The following COL24A1 variants were observed in gnomAD, a reference collection of about 807,000 sequenced individuals.
COL24A1 encodes collagen alpha-1(XXIV) chain.
Under a neutral mutation model 253.9 loss-of-function variants are expected in COL24A1, and 224 were observed. The observed-to-expected ratio is 0.88, with a 90% CI of 0.79 to 0.99. COL24A1 has a LOEUF of 0.99. Among genes scored for constraint, COL24A1 ranks in the 50% least tolerant of loss-of-function variants. The probability of loss-of-function intolerance (pLI) is 0.00; values close to 1 mark genes in which losing one functional copy is unlikely to be tolerated. For missense variants in COL24A1, 2,131 were observed against 2,068.5 expected (o/e 1.03, Z -0.59); for synonymous variants, 685 against 673.7 (o/e 1.02, Z -0.26).
At chr1:85,860,413 T>C (rs1038935319) in intron 37 of COL24A1, among the ~76,000 whole-genome samples, 2 of 152,186 alleles carry the variant, frequency 1.3e-5, no homozygotes, top group African/African-American at 2.4e-5. Flanking sequence ...TTTCTGTATG[T>C]ATAGATTTGC....
intron 20 of COL24A1, among the ~76,000 whole-genome samples, chr1:85,985,348 G>T (rs35556419): frequency 0.26 from 39,252 of 151,494 alleles, 5,476 homozygotes; most frequent in Admixed American, 0.36. Context: ...TAGTTTGGCT[G>T]AAGTGATGCT....
intron 51 of COL24A1, 132 bp downstream of exon 51, chr1:85,783,364 C>A: frequency 1.5e-6 from 1 of 677,370 alleles, no homozygotes; most frequent in Non-Finnish European, 2.5e-6. Flanking sequence ...TCTGCATGTG[C>A]CCTTATGAGT....
At chr1:85,965,835 G>A (rs1419097344) in intron 22 of COL24A1, among the ~76,000 whole-genome samples, 2 of 152,174 alleles carry the variant, frequency 1.3e-5, no homozygotes, top group African/African-American at 2.4e-5. Context: ...GAGGAACCAG[G>A]AGAAGCTGAA....
intron 59 of COL24A1, among the ~76,000 whole-genome samples, chr1:85,731,468 T>C (rs1486977715): frequency 2.6e-5 from 4 of 152,228 alleles, no homozygotes; most frequent in Non-Finnish European, 5.9e-5. Context: ...TTGAAGCTCA[T>C]TGAAAATAAG....
At chr1:86,002,092 A>G (rs1471692018) in intron 19 of COL24A1, among the ~76,000 whole-genome samples, 2 of 152,192 alleles carry the variant, frequency 1.3e-5, no homozygotes, top group African/African-American at 2.4e-5. Flanking sequence ...GAATAATAAG[A>G]ATTGGATTGT....
At chr1:85,985,636 G>T (rs1339336120) in intron 20 of COL24A1, among the ~76,000 whole-genome samples, 1 of 151,764 alleles carries the variant, frequency 6.6e-6, no homozygotes, top group Non-Finnish European at 1.5e-5. Flanking sequence ...GAAAAATAAA[G>T]GGTGCCTAAC....
At chr1:85,945,022 T>G (rs1424433637) in intron 24 of COL24A1, among the ~76,000 whole-genome samples, 7 of 105,330 alleles carry the variant, frequency 6.6e-5, no homozygotes, top group Non-Finnish European at 1.0e-4. Flanking sequence ...TTTTTTTTTT[T>G]TTTTTTTTTT....
intron 7 of COL24A1, among the ~76,000 whole-genome samples, chr1:86,082,647 T>C (rs1331670118): frequency 6.8e-6 from 1 of 147,862 alleles, no homozygotes; most frequent in Non-Finnish European, 1.5e-5. Context: ...ATATATAACA[T>C]ATATTTATAT....
Position 86,022,553 on chromosome 1 carries a change from C to CTCCTAGCTCTCCTGCTGTG in COL24A1, c.2186_2187insCACAGCAGGAGAGCTAGGA (p.Tyr730ThrfsTer34). On this transcript the variant is annotated frameshift_variant, in exon 17 of 60. Coordinates refer to ENST00000370571, the MANE Select transcript of COL24A1 (RefSeq NM_152890.7). LOFTEE classifies it high-confidence loss of function. Reference sequence around the variant, plus strand: ...TAAACATTACCTTGTCTCCAGGATACCCGGGTTCTCCTAGCTCTCCTGCTG... The same window carrying CTCCTAGCTCTCCTGCTGTG: ...TAAACATTACCTTGTCTCCAGGATACTCCTAGCTCTCCTGCTGTGCCGGGTTCTCCTAGCTCTCCTGCTG... 6.2e-7 allele frequency: 1 copy of CTCCTAGCTCTCCTGCTGTG among 1,612,626 alleles called. No individual in the cohort carries two copies. Among genetic ancestry groups the CTCCTAGCTCTCCTGCTGTG allele is most frequent in the Non-Finnish European group, 8.5e-7 (1 of 1,179,312 alleles).
Position 85,869,992 on chromosome 1 carries a change from G to A in COL24A1, c.3139-1157C>T, listed in dbSNP as rs185007547. On this transcript the variant is annotated intron_variant, in intron 35 of 59. Coordinates refer to ENST00000370571, the MANE Select transcript of COL24A1 (RefSeq NM_152890.7). Reference sequence around the variant, plus strand: ...GACACACGATGGCTCAAAATAAAGGGATGGAGGAAGATCTACCAAGCAAAT... The same window carrying A: ...GACACACGATGGCTCAAAATAAAGGAATGGAGGAAGATCTACCAAGCAAAT... 3.7e-3 allele frequency among the ~76,000 whole-genome samples: 562 copies of A among 152,254 alleles called. 6 individuals carry two copies. Among genetic ancestry groups the A allele is most frequent in the African/African-American group, 0.013 (538 of 41,540 alleles).
chr1:85,909,274 G>T (rs1035510400), intron 26 of COL24A1, among the ~76,000 whole-genome samples: 1 of 151,694 alleles, frequency 6.6e-6, no homozygotes, highest in Non-Finnish European at 1.5e-5. Flanking sequence ...GGACTTTTCT[G>T]ATAATATAGA....
At chr1:85,896,620 C>A (rs187702359) in intron 28 of COL24A1, among the ~76,000 whole-genome samples, 1 of 152,034 alleles carries the variant, frequency 6.6e-6, no homozygotes, top group Non-Finnish European at 1.5e-5. Flanking sequence ...TCAGCCTCCC[C>A]CTGAGTAGCT....
At chr1:86,071,034 C>T (rs1290422069) in intron 7 of COL24A1, among the ~76,000 whole-genome samples, 10 of 152,074 alleles carry the variant, frequency 6.6e-5, no homozygotes, top group African/African-American at 2.2e-4. Flanking sequence ...TACAACTTTA[C>T]AAGACATAGA....
chr1:85,942,544 A>G (rs1289666574), intron 24 of COL24A1, among the ~76,000 whole-genome samples: 1 of 152,190 alleles, frequency 6.6e-6, no homozygotes, highest in Admixed American at 6.5e-5. Flanking sequence ...TAGTAATCTC[A>G]TTACATTAGT....
At chr1:86,006,717 G>A (rs1695993902) in intron 19 of COL24A1, among the ~76,000 whole-genome samples, 1 of 151,780 alleles carries the variant, frequency 6.6e-6, no homozygotes, top group African/African-American at 2.4e-5. Flanking sequence ...CAGACGGGAA[G>A]AAAATATTTG....
intron 19 of COL24A1, among the ~76,000 whole-genome samples, chr1:85,997,609 C>T (rs1694957959): frequency 6.6e-6 from 1 of 151,946 alleles, no homozygotes; most frequent in African/African-American, 2.4e-5. Flanking sequence ...ATGGTGAAAC[C>T]TCATCTCTAC....
chr1:85,924,139 A>G (rs573443046), intron 24 of COL24A1, among the ~76,000 whole-genome samples: 1 of 152,342 alleles, frequency 6.6e-6, no homozygotes, highest in South Asian at 2.1e-4. Flanking sequence ...GAATCTGTAA[A>G]TAGGCCAATA....
chr1:86,032,926 G>T (rs1458594400), intron 13 of COL24A1, among the ~76,000 whole-genome samples: 2 of 152,018 alleles, frequency 1.3e-5, no homozygotes, highest in East Asian at 1.9e-4. Flanking sequence ...GTGCACAAAT[G>T]GCATTAAAAA....
chr1:85,867,960 G>A (rs530788318), intron 37 of COL24A1, among the ~76,000 whole-genome samples: 1 of 152,230 alleles, frequency 6.6e-6, no homozygotes, highest in South Asian at 2.1e-4. Flanking sequence ...GGCCAGGCTG[G>A]TCTCTAACTC....
Sources: allele counts gnomAD v4.1 joint callset (sites outside exome capture counted in the v4.1 genomes callset), GRCh38; gene constraint gnomAD v4.1.1; transcripts MANE v1.5; gene names NCBI Gene and HGNC (gene_info 2026-07-23, HGNC 2026-07-21).